Variants in KCNIP1 observed in about 807,000 individuals in gnomAD.
KCNIP1 encodes A-type potassium channel modulatory protein KCNIP1.
In KCNIP1, 18 loss-of-function variants were observed where a neutral mutation model predicts 33.0. The observed-to-expected ratio is 0.55, with a 90% CI of 0.38 to 0.81. The LOEUF (loss-of-function observed/expected upper bound fraction) is 0.81. Ranked by LOEUF, KCNIP1 falls within the 30% of genes least tolerant of loss-of-function variation. KCNIP1 has a pLI of 0.00. For synonymous variants in KCNIP1, 93 were observed against 98.3 expected (o/e 0.95, Z 0.32); for missense variants, 238 against 271.6 (o/e 0.88, Z 0.87).
intron 1 of KCNIP1, among the ~76,000 whole-genome samples, chr5:170,355,135 G>A (rs541894706): frequency 6.6e-6 from 1 of 152,360 alleles, no homozygotes; most frequent in Non-Finnish European, 1.5e-5. Context: ...TCCTTGGGAT[G>A]TTCTGACCTT....
chr5:170,604,841 T>C (rs1190096206), intron 1 of KCNIP1, among the ~76,000 whole-genome samples: 1 of 152,206 alleles, frequency 6.6e-6, no homozygotes, highest in Non-Finnish European at 1.5e-5. Flanking sequence ...CCTGCTGGTG[T>C]GCGTGTCCAC....
At chr5:170,450,509 G>A (rs893198743) in intron 1 of KCNIP1, among the ~76,000 whole-genome samples, 3 of 152,016 alleles carry the variant, frequency 2.0e-5, no homozygotes, top group Non-Finnish European at 4.4e-5. Context: ...ACCCTTCCGT[G>A]GCTCCCTATT....
At position 170,573,252 on chromosome 5, in the gene KCNIP1, A is replaced by G. The variant is rs149389187; in HGVS notation, c.61+68619A>G. 2.1e-3 allele frequency among the ~76,000 whole-genome samples: 324 copies of G among 152,294 alleles called. 2 individuals carry two copies. The highest frequency in any genetic ancestry group is 7.4e-3 in the African/African-American group (306 of 41,560). On this transcript the variant is annotated intron_variant, in intron 1 of 7. Transcript: ENST00000328939. ...TAATTATGCACCTGGTGTGTTATCT[A>G]TCCTTGGGAGTTGGGAAAGGTGATG...
At chr5:170,695,177 C>A (rs1185639497) in intron 1 of KCNIP1, among the ~76,000 whole-genome samples, 1 of 152,204 alleles carries the variant, frequency 6.6e-6, no homozygotes, top group Non-Finnish European at 1.5e-5. Flanking sequence ...CCCGGCCACC[C>A]AACATCAGCA....
At chr5:170,619,946 G>C (rs570738135) in intron 1 of KCNIP1, among the ~76,000 whole-genome samples, 32 of 152,318 alleles carry the variant, frequency 2.1e-4, no homozygotes, top group African/African-American at 7.5e-4. Flanking sequence ...TGAAGAAGGA[G>C]AGAGAGGCAA....
intron 1 of KCNIP1, among the ~76,000 whole-genome samples, chr5:170,713,405 T>G (rs750497669): frequency 2.0e-5 from 3 of 152,044 alleles, no homozygotes; most frequent in Non-Finnish European, 2.9e-5. Flanking sequence ...AACCAAAAAC[T>G]CAATGCCTAT....
chr5:170,681,113 A>G, intron 1 of KCNIP1: 1 of 399,278 alleles, frequency 2.5e-6, no homozygotes, highest in East Asian at 3.6e-5. Context: ...CACTGGGAAT[A>G]GTGGTGGTCG....
chr5:170,609,502 T>C (rs1225385432), intron 1 of KCNIP1, among the ~76,000 whole-genome samples: 1 of 152,158 alleles, frequency 6.6e-6, no homozygotes, highest in African/African-American at 2.4e-5. Context: ...TGATTATTTT[T>C]TGTGCAATTT....
chr5:170,681,588 G>A (rs181049699), intron 1 of KCNIP1, among the ~76,000 whole-genome samples: 23 of 152,348 alleles, frequency 1.5e-4, no homozygotes, highest in Non-Finnish European at 2.5e-4. Flanking sequence ...AAGAAGTTTA[G>A]GAGATTATAT....
intron 1 of KCNIP1, among the ~76,000 whole-genome samples, chr5:170,622,076 T>C (rs1759624615): frequency 6.6e-6 from 1 of 152,216 alleles, no homozygotes; most frequent in South Asian, 2.1e-4. Flanking sequence ...GAAATAATAC[T>C]GCTTCCCTTC....
intron 1 of KCNIP1, among the ~76,000 whole-genome samples, chr5:170,451,829 T>C (rs1409836033): frequency 6.6e-6 from 1 of 150,570 alleles, no homozygotes; most frequent in Non-Finnish European, 1.5e-5. Context: ...GCATGTCTCA[T>C]CTGGAAAGAG....
At chr5:170,654,677 C>G (rs1439425352) in intron 1 of KCNIP1, among the ~76,000 whole-genome samples, 2 of 152,198 alleles carry the variant, frequency 1.3e-5, no homozygotes, top group African/African-American at 4.8e-5. Context: ...GGAAGTAGCT[C>G]AAATCCACCT....
chr5:170,614,635 A>C (rs917561963), intron 1 of KCNIP1, among the ~76,000 whole-genome samples: 2 of 152,230 alleles, frequency 1.3e-5, no homozygotes, highest in African/African-American at 4.8e-5. Flanking sequence ...CCTGTTGTAC[A>C]CTAAACCTTC....
At chr5:170,710,842 C>T (rs997651839) in intron 1 of KCNIP1, among the ~76,000 whole-genome samples, 7 of 152,212 alleles carry the variant, frequency 4.6e-5, no homozygotes, top group South Asian at 2.1e-4. Context: ...TCCCTTGAAG[C>T]CTTCTCTGAC....
At chr5:170,394,707 G>A (rs1344096308) in intron 1 of KCNIP1, among the ~76,000 whole-genome samples, 1 of 152,152 alleles carries the variant, frequency 6.6e-6, no homozygotes, top group East Asian at 1.9e-4. Context: ...CTGATAGAGT[G>A]AACATAGTAC....
rs188512936 is a variant in KCNIP1 at position 170,496,813 on chromosome 5, G to T, written c.88+142849G>T. 1.1e-4 allele frequency among the ~76,000 whole-genome samples: 16 copies of T among 152,230 alleles called. No homozygotes were observed. The East Asian group carries it at 2.9e-3, about 28-fold the overall frequency. On this transcript the variant is annotated intron_variant, in intron 1 of 7. Transcript: ENST00000377360. Reference sequence around the variant, plus strand: ...TGGCCCGGAAATGCGGTTGCCCAGGGCCACTCTCACCCCACCTCAGCCCTG... The same window carrying T: ...TGGCCCGGAAATGCGGTTGCCCAGGTCCACTCTCACCCCACCTCAGCCCTG...
intron 1 of KCNIP1, among the ~76,000 whole-genome samples, chr5:170,577,194 C>G (rs1757631375): frequency 6.6e-6 from 1 of 152,206 alleles, no homozygotes; most frequent in Non-Finnish European, 1.5e-5. Flanking sequence ...AATGTAAACA[C>G]AGACCTGATT....
At chr5:170,491,295 T>C (rs1757201798) in intron 1 of KCNIP1, among the ~76,000 whole-genome samples, 1 of 152,236 alleles carries the variant, frequency 6.6e-6, no homozygotes, top group Admixed American at 6.5e-5. Flanking sequence ...AATGAATGAA[T>C]GAATGCACCA....
intron 1 of KCNIP1, chr5:170,669,701 TA>T: frequency 1.1e-6 from 1 of 943,684 alleles, no homozygotes; most frequent in South Asian, 4.9e-5. Context: ...AGCACAGTGT[TA>T]AATGCCATTT....
Sources: allele counts gnomAD v4.1 joint callset (sites outside exome capture counted in the v4.1 genomes callset), GRCh38; gene constraint gnomAD v4.1.1; transcripts MANE v1.5; gene names NCBI Gene and HGNC (gene_info 2026-07-23, HGNC 2026-07-21).